Variants in DDHD2 observed in about 807,000 individuals in gnomAD.
DDHD2 encodes the protein triacylglycerol hydrolase DDHD2.
Under a neutral mutation model 91.2 loss-of-function variants are expected in DDHD2, and 62 were observed. The observed-to-expected ratio is 0.68, with a 90% CI of 0.55 to 0.84. The LOEUF (loss-of-function observed/expected upper bound fraction) is 0.84. Ranked by LOEUF, DDHD2 falls within the 40% of genes least tolerant of loss-of-function variation. The pLI is 0.00. For synonymous variants in DDHD2, 271 were observed against 293.9 expected (o/e 0.92, Z 0.80); for missense variants, 740 against 846.9 (o/e 0.87, Z 1.57).
intron 13 of DDHD2, 123 bp downstream of exon 13, chr8:38,252,410 TAA>T (rs2130850051): frequency 9.1e-7 from 1 of 1,098,282 alleles, no homozygotes; most frequent in South Asian, 1.6e-5. Flanking sequence ...AGACAACTTA[TAA>T]TAGTATTGAT....
chr8:38,243,763 T>TGGGA (rs905159008), intron 7 of DDHD2, among the ~76,000 whole-genome samples: 1 of 151,624 alleles, frequency 6.6e-6, no homozygotes, highest in Non-Finnish European at 1.5e-5. Flanking sequence ...CAAGTACTGC[T>TGGGA]GGGACTACAG....
At position 38,246,270 on chromosome 8, in the gene DDHD2, A is replaced by G. The variant is rs1805628293; in HGVS notation, c.1095A>G (p.Lys365=). The change falls in exon 9 of 18, where the codon AAA becomes AAG. Residue 365 remains lysine (K), a synonymous_variant. Transcript: ENST00000397166. ...TGTTTGATATCCTAACAAATCAGAA[A>G]GATTCTTTGGGGGATATTGACAGTG... ...LILFDILTNQ[K]DSLGDIDSEK... The G allele has an allele frequency of 6.2e-7, 1 of 1,609,728 alleles. No homozygotes were observed. Among genetic ancestry groups the G allele is most frequent in the Admixed American group, 1.7e-5 (1 of 59,754 alleles).
rs145286609 is a variant in DDHD2 at position 38,244,348 on chromosome 8, T to C, written c.849-1394T>C. On this transcript the variant is annotated intron_variant, in intron 7 of 17. Transcript: ENST00000397166. Reference sequence around the variant, plus strand: ...CACGGTCTCGGCTCACTGCAACCTCTGCCTCCTGGGTTCCAGCAATTCTCC... The same window carrying C: ...CACGGTCTCGGCTCACTGCAACCTCCGCCTCCTGGGTTCCAGCAATTCTCC... Among the ~76,000 whole-genome samples, 1,025 of 151,446 alleles carry C rather than the reference T, an allele frequency of 6.8e-3. 8 individuals carry two copies. Among genetic ancestry groups the C allele is most frequent in the African/African-American group, 0.024 (976 of 41,272 alleles).
At position 38,252,757 on chromosome 8, in the gene DDHD2, G is replaced by T. The variant is rs1806212591; in HGVS notation, c.1653G>T (p.Val551=). ...DPVAYRIEPM[V]VPGVEFEPML... ...TGGCCTATAGGATTGAACCAATGGT[G>T]GTCCCAGGAGTGGAATTTGAGCCAA... The change falls in exon 14 of 18, where the codon GTG becomes GTT. Residue 551 remains valine, a synonymous_variant. Coordinates refer to ENST00000397166, the MANE Select transcript of DDHD2 (RefSeq NM_015214.3). 1 of 1,613,840 alleles carries T rather than the reference G, an allele frequency of 6.2e-7. No individual in the cohort carries two copies. Among genetic ancestry groups the T allele is most frequent in the Non-Finnish European group, 8.5e-7 (1 of 1,179,930 alleles).
intron 7 of DDHD2, among the ~76,000 whole-genome samples, chr8:38,243,054 T>A (rs1012497870): frequency 2.0e-5 from 3 of 152,196 alleles, no homozygotes; most frequent in Non-Finnish European, 2.9e-5. Flanking sequence ...GCTTTTCTGA[T>A]TCTGTGTCTC....
chr8:38,248,123 C>T (rs922555753), intron 10 of DDHD2, among the ~76,000 whole-genome samples: 1 of 152,142 alleles, frequency 6.6e-6, no homozygotes, highest in Non-Finnish European at 1.5e-5. Context: ...ATTAGCTATT[C>T]CAACTCTAAT....
chr8:38,263,950 G>A (rs1807229649), downstream of DDHD2: 1 of 985,246 alleles, frequency 1.0e-6, no homozygotes, highest in South Asian at 4.7e-5. Flanking sequence ...AGAACATGTG[G>A]CATACAGTAG....
At chr8:38,252,889 T>C in intron 14 of DDHD2, 65 bp downstream of exon 14, 2 of 1,607,172 alleles carry the variant, frequency 1.2e-6, no homozygotes, top group South Asian at 2.2e-5. Context: ...CATCATTCAC[T>C]CTGTTCAGCT....
In DDHD2 at chr8:38,247,778, TC is replaced by T; in HGVS notation, c.1192del (p.Gln398SerfsTer14). On this transcript the variant is annotated frameshift_variant, in exon 10 of 18. Transcript: ENST00000397166. LOFTEE classifies it high-confidence loss of function. The stretch of plus-strand genomic sequence containing the variant: ...CACTAGAGGAAGATTTGAAGAAACT[TC>T]AGCTCTCTGAATTCTTTGATATCTT... ...PTLEEDLKKL[Q>X]LSEFFDIFEK... 1.3e-6 allele frequency: 2 copies of T among 1,585,158 alleles called. No homozygotes were observed. Among genetic ancestry groups the T allele is most frequent in the Non-Finnish European group, 1.7e-6 (2 of 1,164,740 alleles).
At chr8:38,248,410 T>C (rs1805824443) in intron 10 of DDHD2, among the ~76,000 whole-genome samples, 1 of 151,674 alleles carries the variant, frequency 6.6e-6, no homozygotes, top group Non-Finnish European at 1.5e-5. Flanking sequence ...TGCCTTTTTC[T>C]GGTTTGTGAT....
At chr8:38,240,442 G>T (rs1478772402) in intron 6 of DDHD2, 78 bp downstream of exon 6, 1 of 1,052,792 alleles carries the variant, frequency 9.5e-7, no homozygotes, top group Non-Finnish European at 1.4e-6. Flanking sequence ...TTGGTCTATT[G>T]TCTTAGCTGC....
chr8:38,252,020 A>C lies in DDHD2; in HGVS notation c.1453A>C (p.Ile485Leu). Residue 485 changes from isoleucine (I) to leucine (L), a missense_variant, in exon 12 of 18, where the codon ATT (isoleucine) becomes CTT (leucine). By Grantham distance (5) the Ile-to-Leu change is conservative (BLOSUM62 2). Coordinates refer to ENST00000397166, the MANE Select transcript of DDHD2 (RefSeq NM_015214.3). ...TRNGDYLDVG[I>L]GQVSVKYPRL... ...AAATGGTGACTATCTGGATGTTGGC[A>C]TTGGGCAGGTAACTAATTCTCTTTG... 1 of 1,613,514 alleles carries C rather than the reference A, an allele frequency of 6.2e-7. No individual in the cohort carries two copies. The highest frequency in any genetic ancestry group is 8.5e-7 in the Non-Finnish European group (1 of 1,179,394).
intron 2 of DDHD2, 54 bp downstream of exon 2, chr8:38,233,268 T>A (rs971717406): frequency 9.9e-6 from 14 of 1,421,278 alleles, no homozygotes; most frequent in Non-Finnish European, 1.4e-5. Flanking sequence ...CTTCAAACTA[T>A]AATATAATGG....
At chr8:38,249,927 T>A in intron 11 of DDHD2, 124 bp downstream of exon 11, 1 of 559,144 alleles carries the variant, frequency 1.8e-6, no homozygotes, top group South Asian at 2.2e-5. Flanking sequence ...CTTTGGCTCT[T>A]TTTTTTTGAG....
chr8:38,264,512 G>T, downstream of DDHD2: 1 of 1,559,280 alleles, frequency 6.4e-7, no homozygotes. Context: ...TCTTGAAATG[G>T]TTTATGGCAT....
At chr8:38,240,012 C>G (rs972643155) in intron 5 of DDHD2, among the ~76,000 whole-genome samples, 1 of 151,350 alleles carries the variant, frequency 6.6e-6, no homozygotes, top group Non-Finnish European at 1.5e-5. Flanking sequence ...CGTGAGCCAC[C>G]GCGCCCAGCC....
At chr8:38,264,330 CA>C (rs1807264785), downstream of DDHD2, 2 of 861,818 alleles carry the variant, frequency 2.3e-6, no homozygotes, top group Non-Finnish European at 3.3e-6. Flanking sequence ...TTAGTAGAGA[CA>C]GGGTTCACCA....
chr8:38,233,530 T>C (rs1443813899), intron 2 of DDHD2, among the ~76,000 whole-genome samples: 1 of 152,094 alleles, frequency 6.6e-6, no homozygotes, highest in Admixed American at 6.5e-5. Flanking sequence ...GCAATCTTTC[T>C]GACTGGGCCT....
Position 38,262,165 on chromosome 8 carries a change from C to CT in DDHD2, c.*1595dup, listed in dbSNP as rs1807082084. 1 of 152,082 alleles carries CT rather than the reference C, an allele frequency of 6.6e-6. No homozygotes were observed. The highest frequency in any genetic ancestry group is 2.4e-5 in the African/African-American group (1 of 41,388). The allele number at this position is 152,082 out of a possible 1,614,324, so 9.4% of individuals were successfully genotyped here. ...CACTAAGTTTCAGATATATGGAATA[C>CT]TTTATTTTTTTAAAGGTATATAAAC... On this transcript the variant is annotated 3_prime_UTR_variant, in exon 18 of 18. Coordinates refer to ENST00000397166, the MANE Select transcript of DDHD2 (RefSeq NM_015214.3).
Sources: allele counts gnomAD v4.1 joint callset (sites outside exome capture counted in the v4.1 genomes callset), GRCh38; gene constraint gnomAD v4.1.1; transcripts MANE v1.5; gene names NCBI Gene and HGNC (gene_info 2026-07-23, HGNC 2026-07-21).